MBD5: variants seen among roughly 807,000 people sequenced by gnomAD.
MBD5 encodes the protein methyl-CpG-binding domain protein 5.
MBD5 carries 13 observed loss-of-function variants against 117.3 expected under a neutral mutation model. The ratio of observed to expected loss-of-function variants is 0.11; its 90% confidence interval spans 0.07 to 0.18. The LOEUF is 0.18. Among genes scored for constraint, MBD5 ranks in the 10% least tolerant of loss-of-function variants. MBD5 has a pLI of 1.00. For synonymous variants in MBD5, 727 were observed against 766.4 expected (o/e 0.95, Z 0.85); for missense variants, 1,879 against 2,093.8 (o/e 0.90, Z 2.00).
intron 3 of MBD5, among the ~76,000 whole-genome samples, chr2:148,341,955 A>G (rs1559031241): frequency 1.3e-5 from 2 of 152,000 alleles, no homozygotes; most frequent in African/African-American, 4.8e-5. Context: ...TTTATCAATA[A>G]TTTTTAATTT....
At chr2:148,144,900 CT>C (rs1313935022) in intron 1 of MBD5, among the ~76,000 whole-genome samples, 1 of 152,168 alleles carries the variant, frequency 6.6e-6, no homozygotes, top group African/African-American at 2.4e-5. Context: ...CAGCATTGTT[CT>C]TTTGGCTTAG....
At chr2:148,165,880 TTGTC>T (rs996414983) in intron 1 of MBD5, among the ~76,000 whole-genome samples, 70 of 152,268 alleles carry the variant, frequency 4.6e-4, no homozygotes, top group African/African-American at 1.7e-3. Context: ...ATGGAGCAAA[TTGTC>T]TGATAATATT....
intron 4 of MBD5, among the ~76,000 whole-genome samples, chr2:148,381,185 G>C (rs188405221): frequency 6.6e-6 from 1 of 152,214 alleles, no homozygotes; most frequent in Admixed American, 6.5e-5. Context: ...AAAGGAGGAA[G>C]TTCGAACCAA....
intron 4 of MBD5, among the ~76,000 whole-genome samples, chr2:148,370,675 G>T (rs1703827508): frequency 6.6e-6 from 1 of 152,040 alleles, no homozygotes; most frequent in African/African-American, 2.4e-5. Context: ...TTTTAGTAGA[G>T]ACAGGGTTTC....
chr2:148,364,495 T>C (rs1388525143), intron 4 of MBD5, among the ~76,000 whole-genome samples: 1 of 152,156 alleles, frequency 6.6e-6, no homozygotes, highest in Non-Finnish European at 1.5e-5. Flanking sequence ...CACATAACAG[T>C]ATTAACCTTT....
At chr2:148,491,287 TCTTCTGGGC>T (rs1681517248) in intron 11 of MBD5, among the ~76,000 whole-genome samples, 1 of 148,132 alleles carries the variant, frequency 6.8e-6, no homozygotes, top group African/African-American at 2.5e-5. Flanking sequence ...TTAGTAGGGG[TCTTCTGGGC>T]CTTTTTTTTT....
intron 4 of MBD5, among the ~76,000 whole-genome samples, chr2:148,368,844 A>G (rs1046947690): frequency 1.3e-5 from 2 of 152,182 alleles, no homozygotes; most frequent in Non-Finnish European, 2.9e-5. Context: ...TATCCCTTCT[A>G]TTAGATGCTA....
intron 3 of MBD5, among the ~76,000 whole-genome samples, chr2:148,266,586 G>A (rs1350135556): frequency 6.6e-6 from 1 of 151,968 alleles, no homozygotes; most frequent in East Asian, 1.9e-4. Context: ...AGACAGAACT[G>A]TTATTATTTG....
intron 3 of MBD5, among the ~76,000 whole-genome samples, chr2:148,233,903 A>C (rs181708387): frequency 3.9e-4 from 60 of 152,160 alleles, no homozygotes; most frequent in African/African-American, 1.3e-3. Context: ...TAAAACTCTC[A>C]CAGCTTTACA....
chr2:148,383,562 T>A (rs1284945407), intron 4 of MBD5, among the ~76,000 whole-genome samples: 2 of 152,050 alleles, frequency 1.3e-5, no homozygotes, highest in Non-Finnish European at 2.9e-5. Context: ...TCTGAAACTA[T>A]TCCAATAAAT....
intron 3 of MBD5, among the ~76,000 whole-genome samples, chr2:148,239,091 T>G (rs1360025090): frequency 1.3e-5 from 2 of 151,842 alleles, no homozygotes; most frequent in Non-Finnish European, 2.9e-5. Flanking sequence ...TCTGTATATA[T>G]ATATAACTGA....
intron 4 of MBD5, among the ~76,000 whole-genome samples, chr2:148,421,530 G>A (rs1235849120): frequency 6.8e-6 from 1 of 147,544 alleles, no homozygotes. Flanking sequence ...AGCTGCAGAA[G>A]TTTTTTTTTT....
chr2:148,327,560 T>C (rs1230045853), intron 3 of MBD5, among the ~76,000 whole-genome samples: 1 of 151,998 alleles, frequency 6.6e-6, no homozygotes, highest in Non-Finnish European at 1.5e-5. Flanking sequence ...CTTTTTTCTC[T>C]AAACTTCCCT....
At chr2:148,456,622 G>T (rs1706892680) in intron 4 of MBD5, among the ~76,000 whole-genome samples, 1 of 152,168 alleles carries the variant, frequency 6.6e-6, no homozygotes, top group African/African-American at 2.4e-5. Context: ...TATGCCTGTA[G>T]ATGGGCCATT....
chr2:148,195,181 A>C (rs1405563627), intron 2 of MBD5, among the ~76,000 whole-genome samples: 3 of 151,426 alleles, frequency 2.0e-5, no homozygotes, highest in Non-Finnish European at 4.4e-5. Context: ...TGCATTTTAA[A>C]TATAAAAACA....
chr2:148,232,759 A>G (rs1700019367), intron 2 of MBD5, among the ~76,000 whole-genome samples: 1 of 151,520 alleles, frequency 6.6e-6, no homozygotes, highest in Non-Finnish European at 1.5e-5. Flanking sequence ...AATATCTTTT[A>G]GGTATCTGTT....
At chr2:148,463,675 A>G (rs2105580596) in intron 6 of MBD5, 64 bp from the exon 7 acceptor site, 1 of 1,580,042 alleles carries the variant, frequency 6.3e-7, no homozygotes, top group Non-Finnish European at 8.7e-7. Flanking sequence ...TTTTTTAAAC[A>G]AAGGGATCTT....
intron 3 of MBD5, among the ~76,000 whole-genome samples, chr2:148,246,312 T>C (rs1444271625): frequency 2.0e-5 from 3 of 152,160 alleles, no homozygotes; most frequent in Non-Finnish European, 2.9e-5. Flanking sequence ...CTTTCTTGGG[T>C]GCTAAAACAC....
intron 1 of MBD5, among the ~76,000 whole-genome samples, chr2:148,114,615 A>G (rs2105367199): frequency 6.6e-6 from 1 of 152,330 alleles, no homozygotes; most frequent in East Asian, 1.9e-4. Flanking sequence ...ACTGTCTGAG[A>G]ATTCCACATA....
Sources: allele counts gnomAD v4.1 joint callset (sites outside exome capture counted in the v4.1 genomes callset), GRCh38; gene constraint gnomAD v4.1.1; transcripts MANE v1.5; gene names NCBI Gene and HGNC (gene_info 2026-07-23, HGNC 2026-07-21).